The following DOK6 variants were observed in gnomAD, a reference collection of about 807,000 sequenced individuals.
The protein encoded by DOK6 is downstream of tyrosine kinase 6.
A neutral mutation model predicts 44.0 loss-of-function variants in DOK6; 22 were observed. That is an observed-to-expected ratio of 0.50 (90% CI 0.36 to 0.71). DOK6 has a LOEUF of 0.71. Ranked by LOEUF, DOK6 falls within the 30% of genes least tolerant of loss-of-function variation. The pLI, the probability that DOK6 is intolerant of heterozygous loss-of-function variation, is 0.00. For missense variants in DOK6, 340 were observed against 416.4 expected (o/e 0.82, Z 1.60); for synonymous variants, 166 against 145.5 (o/e 1.14, Z -1.01).
At chr18:69,797,926 G>T (rs1980795718) in intron 7 of DOK6, among the ~76,000 whole-genome samples, 1 of 152,078 alleles carries the variant, frequency 6.6e-6, no homozygotes, top group African/African-American at 2.4e-5. Context: ...ACCAGACTGT[G>T]CCCCAGGTGA....
At chr18:69,726,286 C>T (rs1414762459) in intron 5 of DOK6, among the ~76,000 whole-genome samples, 4 of 152,184 alleles carry the variant, frequency 2.6e-5, no homozygotes, top group Non-Finnish European at 4.4e-5. Flanking sequence ...AGTCATCACT[C>T]TGGACTCAAT....
chr18:69,744,086 G>A (rs1243446041), intron 6 of DOK6, among the ~76,000 whole-genome samples: 1 of 152,082 alleles, frequency 6.6e-6, no homozygotes, highest in South Asian at 2.1e-4. Flanking sequence ...CAAGGCAGGT[G>A]GATCACCTGA....
chr18:69,634,487 G>A (rs1851757877), intron 3 of DOK6, among the ~76,000 whole-genome samples: 1 of 152,126 alleles, frequency 6.6e-6, no homozygotes, highest in Non-Finnish European at 1.5e-5. Context: ...TGTCATTTAA[G>A]TTTTCCAGTT....
At chr18:69,583,131 G>C (rs1983408089) in intron 2 of DOK6, among the ~76,000 whole-genome samples, 1 of 152,156 alleles carries the variant, frequency 6.6e-6, no homozygotes, top group African/African-American at 2.4e-5. Flanking sequence ...TACTACAGAT[G>C]GTTTTCCAGA....
intron 1 of DOK6, among the ~76,000 whole-genome samples, chr18:69,402,761 C>G (rs780076765): frequency 6.6e-6 from 1 of 152,182 alleles, no homozygotes; most frequent in Non-Finnish European, 1.5e-5. Flanking sequence ...CGTGCGCTGC[C>G]GTGAGCCCCA....
chr18:69,431,367 A>G (rs1978802342), intron 1 of DOK6, among the ~76,000 whole-genome samples: 1 of 152,170 alleles, frequency 6.6e-6, no homozygotes, highest in Admixed American at 6.6e-5. Flanking sequence ...CAGTTGCTGT[A>G]GCTTCTCTGA....
chr18:69,464,961 A>C (rs1158422484), intron 1 of DOK6, among the ~76,000 whole-genome samples: 1 of 152,214 alleles, frequency 6.6e-6, no homozygotes, highest in Non-Finnish European at 1.5e-5. Flanking sequence ...AAAATTATTT[A>C]TCTCTCCTTG....
chr18:69,582,521 T>A (rs1488159937), intron 2 of DOK6, among the ~76,000 whole-genome samples: 3 of 152,110 alleles, frequency 2.0e-5, no homozygotes, highest in Non-Finnish European at 4.4e-5. Flanking sequence ...CTCTTTTTCA[T>A]CTTCCTTCCT....
At chr18:69,583,027 T>C (rs1350829305) in intron 2 of DOK6, among the ~76,000 whole-genome samples, 1 of 152,338 alleles carries the variant, frequency 6.6e-6, no homozygotes, top group East Asian at 1.9e-4. Flanking sequence ...TAAGATTTTG[T>C]ATCCTCTCCT....
At chr18:69,603,594 A>G (rs1450762563) in intron 3 of DOK6, among the ~76,000 whole-genome samples, 1 of 152,098 alleles carries the variant, frequency 6.6e-6, no homozygotes, top group Non-Finnish European at 1.5e-5. Flanking sequence ...GCACGGTGAA[A>G]CCCCGTCTCT....
At chr18:69,501,847 T>C (rs1981057752) in intron 1 of DOK6, among the ~76,000 whole-genome samples, 1 of 152,124 alleles carries the variant, frequency 6.6e-6, no homozygotes, top group Non-Finnish European at 1.5e-5. Flanking sequence ...TATTAGAACT[T>C]CAATCTAGAG....
At chr18:69,685,088 C>A (rs1000349995) in intron 4 of DOK6, among the ~76,000 whole-genome samples, 10 of 151,696 alleles carry the variant, frequency 6.6e-5, no homozygotes, top group African/African-American at 2.4e-4. Context: ...ATAACAACAA[C>A]AAAAAAATGG....
Position 69,842,506 on chromosome 18 carries a change from T to C in DOK6, c.*1123T>C, listed in dbSNP as rs1404788277. The C allele has an allele frequency of 2.6e-5, 4 of 152,198 alleles. No homozygotes were observed. The East Asian group carries it at 5.8e-4, about 22-fold the overall frequency. 9.4% of individuals were successfully genotyped at this position (152,198 alleles called of 1,614,324 possible). A position where few individuals can be genotyped will look rare whatever the true frequency, so the allele number is the denominator to read the frequency against. On this transcript the variant is annotated 3_prime_UTR_variant, in exon 8 of 8. Coordinates refer to ENST00000382713, the MANE Select transcript of DOK6 (RefSeq NM_152721.6). ...AGAGAAGAACAAAATGGGTACAGGA[T>C]TGTGGATATCATAGATGCTGTTCTC...
intron 7 of DOK6, among the ~76,000 whole-genome samples, chr18:69,788,568 C>G (rs568181380): frequency 1.7e-4 from 26 of 152,302 alleles, no homozygotes; most frequent in African/African-American, 5.5e-4. Context: ...TCTATTTAAA[C>G]TTGGCACTTA....
intron 1 of DOK6, among the ~76,000 whole-genome samples, chr18:69,534,620 A>T (rs933503281): frequency 2.2e-4 from 33 of 151,956 alleles, no homozygotes; most frequent in Admixed American, 2.2e-3. Context: ...CAGTATTCTC[A>T]GTGGTCCCTC....
intron 5 of DOK6, among the ~76,000 whole-genome samples, chr18:69,720,719 A>C (rs1986987451): frequency 6.6e-6 from 1 of 152,154 alleles, no homozygotes; most frequent in Admixed American, 6.5e-5. Context: ...TTGTCCCCTT[A>C]AAATACTTAT....
chr18:69,803,095 T>C (rs1230255236), intron 7 of DOK6, among the ~76,000 whole-genome samples: 1 of 152,130 alleles, frequency 6.6e-6, no homozygotes, highest in Admixed American at 6.6e-5. Context: ...TATGATGTTA[T>C]ATATACTATT....
intron 6 of DOK6, among the ~76,000 whole-genome samples, chr18:69,746,155 C>T (rs1021856131): frequency 2.6e-5 from 4 of 152,128 alleles, no homozygotes; most frequent in Admixed American, 6.5e-5. Context: ...TGATTGCAGA[C>T]GGAAATGATG....
At chr18:69,572,199 A>G (rs1160715328) in intron 2 of DOK6, among the ~76,000 whole-genome samples, 2 of 152,110 alleles carry the variant, frequency 1.3e-5, no homozygotes, top group East Asian at 3.8e-4. Context: ...GCCTTATTTC[A>G]TTGTTTTTGA....
Sources: allele counts gnomAD v4.1 joint callset (sites outside exome capture counted in the v4.1 genomes callset), GRCh38; gene constraint gnomAD v4.1.1; transcripts MANE v1.5; gene names NCBI Gene and HGNC (gene_info 2026-07-23, HGNC 2026-07-21).